CSMD3: variants seen among roughly 807,000 people sequenced by gnomAD.
CSMD3 encodes CUB and sushi domain-containing protein 3.
CSMD3 carries 177 observed loss-of-function variants against 435.2 expected under a neutral mutation model. That is an observed-to-expected ratio of 0.41 (90% CI 0.36 to 0.46). CSMD3 has a LOEUF of 0.46. Ranked by LOEUF, CSMD3 falls within the 20% of genes least tolerant of loss-of-function variation. CSMD3 has a pLI of 0.34. For missense variants in CSMD3, 4,265 were observed against 4,504.6 expected (o/e 0.95, Z 1.52); for synonymous variants, 1,656 against 1,520.5 (o/e 1.09, Z -2.07).
At chr8:112,901,540 T>C (rs1378752498) in intron 10 of CSMD3, among the ~76,000 whole-genome samples, 2 of 151,298 alleles carry the variant, frequency 1.3e-5, no homozygotes, top group Non-Finnish European at 3.0e-5. Flanking sequence ...ATTGTACTGC[T>C]CAAAACTGAA....
At chr8:112,618,978 G>A (rs1833862165) in intron 22 of CSMD3, among the ~76,000 whole-genome samples, 2 of 151,994 alleles carry the variant, frequency 1.3e-5, no homozygotes, top group African/African-American at 4.8e-5. Flanking sequence ...TAAATTGCAT[G>A]ACATTTTACT....
At position 112,587,264 on chromosome 8, in the gene CSMD3, A is replaced by C. The variant is rs1354369788; in HGVS notation, c.3716-29T>G. 3.3e-6 allele frequency: 5 copies of C among 1,514,928 alleles called. No homozygotes were observed. The East Asian group carries it at 1.1e-4, about 34-fold the overall frequency. The allele number at this position is 1,514,928 out of a possible 1,614,324, so 93.8% of individuals were successfully genotyped here. ...CAGGTAAAACAGAATATTGAAGTAC[A>C]GTTTAATAGATAGCAGTATCATTTT... is the stretch of plus-strand genomic sequence containing the variant. On this transcript the variant is annotated intron_variant, in intron 22 of 70. Transcript: ENST00000297405.
chr8:112,509,164 A>G (rs1822838429), intron 28 of CSMD3, among the ~76,000 whole-genome samples: 1 of 147,870 alleles, frequency 6.8e-6, no homozygotes, highest in South Asian at 2.1e-4. Context: ...ACCACAGCTC[A>G]CTGCAGCCTT....
intron 3 of CSMD3, among the ~76,000 whole-genome samples, chr8:113,255,611 T>C (rs1345811472): frequency 6.6e-6 from 1 of 152,070 alleles, no homozygotes; most frequent in East Asian, 1.9e-4. Flanking sequence ...CCTTGAATTG[T>C]TACTTTATGG....
At chr8:112,344,899 A>C (rs193048081) in intron 41 of CSMD3, among the ~76,000 whole-genome samples, 1 of 152,298 alleles carries the variant, frequency 6.6e-6, no homozygotes, top group East Asian at 1.9e-4. Flanking sequence ...ACTTGCAAAG[A>C]AAATGGGATG....
chr8:113,302,241 TATAATA>T lies in CSMD3; in HGVS notation c.401+12324_401+12329del, dbSNP rs1161606478. Among the ~76,000 whole-genome samples the T allele has an allele frequency of 3.0e-4, 41 of 137,024 alleles. No individual in the cohort carries two copies. In the East Asian group the frequency reaches 5.0e-3, roughly 17 times the overall value. The allele number at this position is 137,024 out of a possible 152,430, so 89.9% of individuals were successfully genotyped here. On this transcript the variant is annotated intron_variant, in intron 2 of 70. Coordinates refer to ENST00000297405, the MANE Select transcript of CSMD3 (RefSeq NM_198123.2). Reference sequence around the variant, plus strand: ...ATATATAATATAATATAATATATAATATAATATATATTATATAAAATATATATAATA... The same window carrying T: ...ATATATAATATAATATAATATATAATTATATTATATAAAATATATATAATA...
intron 7 of CSMD3, among the ~76,000 whole-genome samples, chr8:112,958,585 A>G (rs2084117817): frequency 6.6e-6 from 1 of 152,176 alleles, no homozygotes; most frequent in Admixed American, 6.5e-5. Flanking sequence ...GCATTTAAAA[A>G]CTTACAAAAA....
At chr8:112,598,924 AAACCT>A (rs1832034490) in intron 22 of CSMD3, among the ~76,000 whole-genome samples, 1 of 151,694 alleles carries the variant, frequency 6.6e-6, no homozygotes, top group African/African-American at 2.4e-5. Flanking sequence ...CCCTAGAAGA[AAACCT>A]AGGCAGTACC....
chr8:112,655,800 A>T (rs924376911), intron 18 of CSMD3, among the ~76,000 whole-genome samples: 2 of 152,080 alleles, frequency 1.3e-5, no homozygotes, highest in Non-Finnish European at 2.9e-5. Context: ...TTGTGAAGTA[A>T]ATGCTAAAAA....
At chr8:113,385,797 G>A (rs986572777) in intron 1 of CSMD3, among the ~76,000 whole-genome samples, 3 of 152,042 alleles carry the variant, frequency 2.0e-5, no homozygotes, top group Non-Finnish European at 4.4e-5. Context: ...GGGATGGAGA[G>A]AGAAAAGAAG....
intron 3 of CSMD3, among the ~76,000 whole-genome samples, chr8:113,253,742 G>A (rs1255656185): frequency 6.6e-6 from 1 of 151,936 alleles, no homozygotes; most frequent in Non-Finnish European, 1.5e-5. Context: ...GGGAGGCTGA[G>A]GCAGGAGAAT....
At chr8:113,431,388 A>AT (rs1377250725) in intron 1 of CSMD3, among the ~76,000 whole-genome samples, 1 of 152,154 alleles carries the variant, frequency 6.6e-6, no homozygotes, top group African/African-American at 2.4e-5. Context: ...TATCTTACAC[A>AT]TTTTTTCTTA....
intron 13 of CSMD3, among the ~76,000 whole-genome samples, chr8:112,691,538 G>A (rs1011782707): frequency 6.6e-6 from 1 of 151,896 alleles, no homozygotes; most frequent in Non-Finnish European, 1.5e-5. Flanking sequence ...CTTGGAGAGG[G>A]TTTTGGGCCA....
chr8:112,291,252 A>G (rs1819734572), intron 56 of CSMD3, among the ~76,000 whole-genome samples: 1 of 151,976 alleles, frequency 6.6e-6, no homozygotes, highest in Non-Finnish European at 1.5e-5. Context: ...AGGAAATATG[A>G]CTACTTTTCA....
chr8:112,717,415 A>T (rs534998998), intron 13 of CSMD3, among the ~76,000 whole-genome samples: 9 of 151,814 alleles, frequency 5.9e-5, no homozygotes, highest in African/African-American at 1.2e-4. Flanking sequence ...AAGAAACAAC[A>T]ATGCTGGCGA....
At chr8:112,235,512 G>T (rs1813487657) in intron 67 of CSMD3, among the ~76,000 whole-genome samples, 1 of 152,144 alleles carries the variant, frequency 6.6e-6, no homozygotes. Context: ...AATGACATAA[G>T]GAAGAGAAGC....
chr8:113,235,360 C>A (rs1253093805), intron 3 of CSMD3, among the ~76,000 whole-genome samples: 1 of 152,106 alleles, frequency 6.6e-6, no homozygotes, highest in African/African-American at 2.4e-5. Flanking sequence ...AAATAGTGCA[C>A]CCCATTCCAA....
chr8:112,406,052 T>C (rs913543028), intron 35 of CSMD3, among the ~76,000 whole-genome samples: 3 of 151,918 alleles, frequency 2.0e-5, no homozygotes, highest in Non-Finnish European at 2.9e-5. Context: ...CGCAACACAA[T>C]GAATAAAAAC....
intron 23 of CSMD3, among the ~76,000 whole-genome samples, chr8:112,579,256 G>A (rs1163497477): frequency 6.6e-6 from 1 of 151,934 alleles, no homozygotes; most frequent in Non-Finnish European, 1.5e-5. Flanking sequence ...AATGTAATGG[G>A]CACAGACACA....
Sources: allele counts gnomAD v4.1 joint callset (sites outside exome capture counted in the v4.1 genomes callset), GRCh38; gene constraint gnomAD v4.1.1; transcripts MANE v1.5; gene names NCBI Gene and HGNC (gene_info 2026-07-23, HGNC 2026-07-21).